EMX1: variants seen among roughly 807,000 people sequenced by gnomAD.
The protein encoded by EMX1 is homeobox protein EMX1.
Under a neutral mutation model 20.1 loss-of-function variants are expected in EMX1, and 10 were observed. The observed-to-expected ratio is 0.50, with a 90% CI of 0.31 to 0.84. The LOEUF is 0.84. Ranked by LOEUF, EMX1 falls within the 40% of genes least tolerant of loss-of-function variation. The pLI is 0.05. For synonymous variants in EMX1, 250 were observed against 200.4 expected, an observed-to-expected ratio of 1.25 and a Z score of -2.09; for missense variants, 424 against 431.9, an observed-to-expected ratio of 0.98 and a Z score of 0.16.
At chr2:72,921,072 G>A (rs535677745) in intron 1 of EMX1, among the ~76,000 whole-genome samples, 193 of 152,324 alleles carry the variant, frequency 1.3e-3, no homozygotes, top group African/African-American at 4.6e-3. Flanking sequence ...CCTGGCCGGC[G>A]GCGGCCTCTC....
intron 2 of EMX1, among the ~76,000 whole-genome samples, chr2:72,927,601 A>G (rs1395637086): frequency 6.6e-6 from 1 of 152,248 alleles, no homozygotes; most frequent in African/African-American, 2.4e-5. Flanking sequence ...AGATCTTAAA[A>G]TACAGATTCC....
chr2:72,924,082 C>T (rs1315572688), intron 1 of EMX1: 4 of 612,734 alleles, frequency 6.5e-6, no homozygotes, highest in Middle Eastern at 2.7e-4. Flanking sequence ...CGCGTTCCCC[C>T]GCGGAGTGGC....
At chr2:72,927,092 C>T (rs1353230178) in intron 2 of EMX1, among the ~76,000 whole-genome samples, 2 of 152,208 alleles carry the variant, frequency 1.3e-5, no homozygotes, top group African/African-American at 4.8e-5. Flanking sequence ...CTTCTGTCTG[C>T]TCTCATTAAA....
intron 1 of EMX1, among the ~76,000 whole-genome samples, chr2:72,919,659 G>T (rs1479723005): frequency 6.6e-6 from 1 of 152,164 alleles, no homozygotes; most frequent in African/African-American, 2.4e-5. Context: ...GTCCCACCTG[G>T]CCAATAGATG....
At chr2:72,923,541 G>A (rs1671138254) in intron 1 of EMX1, 1 of 152,358 alleles carries the variant, frequency 6.6e-6, no homozygotes, top group African/African-American at 2.4e-5. Context: ...AAGGCCTGGG[G>A]GAGAGAGAGG....
upstream of EMX1, chr2:72,916,683 G>T: frequency 1.4e-6 from 1 of 716,754 alleles, no homozygotes. Context: ...GTTCTCTTGA[G>T]ATGGGCTCGG....
At chr2:72,925,306 A>G in intron 2 of EMX1, 1 of 1,048,228 alleles carries the variant, frequency 9.5e-7, no homozygotes, top group Non-Finnish European at 1.2e-6. Context: ...TTTGTAACTG[A>G]TCGTTAATTT....
upstream of EMX1, chr2:72,916,613 G>C: frequency 1.5e-6 from 1 of 671,550 alleles, no homozygotes; most frequent in Non-Finnish European, 2.7e-6. Flanking sequence ...CCGCGGTCGC[G>C]GGTGGAAGGT....
intron 1 of EMX1, among the ~76,000 whole-genome samples, chr2:72,922,228 T>C (rs567572124): frequency 6.6e-6 from 1 of 152,344 alleles, no homozygotes; most frequent in East Asian, 1.9e-4. Flanking sequence ...TTCATAACAA[T>C]GTTGTTTTTT....
chr2:72,922,762 C>T (rs961703335), intron 1 of EMX1, among the ~76,000 whole-genome samples: 1 of 152,248 alleles, frequency 6.6e-6, no homozygotes, highest in Non-Finnish European at 1.5e-5. Flanking sequence ...GTTTTAGCTA[C>T]AGCATCTCAA....
Position 72,917,786 on chromosome 2 carries a change from T to C in EMX1, c.-67T>C. 1 of 1,243,778 alleles carries C rather than the reference T, an allele frequency of 8.0e-7. No homozygotes were observed. The highest frequency in any genetic ancestry group is 1.0e-6 in the Non-Finnish European group (1 of 993,400). The allele number at this position is 1,243,778 out of a possible 1,614,324, so 77.0% of individuals were successfully genotyped here. ...CACACACCCCTCGCCGCTCCGCGCC[T>C]GGCTCGCCCGCGGGGGCCGAGCGCG... is the stretch of plus-strand genomic sequence containing the variant. On this transcript the variant is annotated 5_prime_UTR_variant, in exon 1 of 3. Coordinates refer to ENST00000258106, the MANE Select transcript of EMX1 (RefSeq NM_004097.3).
chr2:72,921,165 C>G (rs1368200058), intron 1 of EMX1, among the ~76,000 whole-genome samples: 2 of 152,244 alleles, frequency 1.3e-5, no homozygotes, highest in Non-Finnish European at 2.9e-5. Context: ...TCCCTCATTC[C>G]TGGGAATCTC....
At chr2:72,918,767 A>G (rs1323479752) in intron 1 of EMX1, among the ~76,000 whole-genome samples, 1 of 152,168 alleles carries the variant, frequency 6.6e-6, no homozygotes, top group Non-Finnish European at 1.5e-5. Flanking sequence ...CTTCTCTCGC[A>G]AGTCCACCAC....
At chr2:72,924,527 C>G in intron 2 of EMX1, 34 bp downstream of exon 2, 3 of 1,523,666 alleles carry the variant, frequency 2.0e-6, no homozygotes, top group Non-Finnish European at 2.6e-6. Context: ...GCCCTGCGCC[C>G]GGAGCCCGGG....
intron 2 of EMX1, among the ~76,000 whole-genome samples, chr2:72,926,634 C>T (rs1368157440): frequency 6.6e-6 from 1 of 152,170 alleles, no homozygotes; most frequent in African/African-American, 2.4e-5. Flanking sequence ...AGTCACTTAA[C>T]CTCTCTGAGC....
At chr2:72,927,554 C>T (rs1469028292) in intron 2 of EMX1, among the ~76,000 whole-genome samples, 1 of 152,242 alleles carries the variant, frequency 6.6e-6, no homozygotes, top group African/African-American at 2.4e-5. Context: ...CATGTCCAAA[C>T]ATCAATCTGT....
Position 72,925,293 on chromosome 2 carries a change from G to A in EMX1, c.705+800G>A, listed in dbSNP as rs565601324. The A allele has an allele frequency of 9.9e-4, 988 of 997,734 alleles. 7 individuals carry two copies. The highest frequency in any genetic ancestry group is 7.0e-3 in the South Asian group (375 of 53,836). 61.8% of individuals were successfully genotyped at this position (997,734 alleles called of 1,614,324 possible). A position where few individuals can be genotyped will look rare whatever the true frequency, so the allele number is the denominator to read the frequency against. On this transcript the variant is annotated intron_variant, in intron 2 of 2. Transcript: ENST00000258106. ...GTGAAATTAACAATTACCGTGTAGT[G>A]TTTTTGTAACTGATCGTTAATTTAA...
Position 72,930,600 on chromosome 2 carries a change from G to T in EMX1, c.706-3187G>T, listed in dbSNP as rs1245354300. Among the ~76,000 whole-genome samples the T allele has an allele frequency of 6.6e-6, 1 of 152,152 alleles. No homozygotes were observed. Among genetic ancestry groups the T allele is most frequent in the Non-Finnish European group, 1.5e-5 (1 of 68,038 alleles). On this transcript the variant is annotated intron_variant, in intron 2 of 2. Coordinates refer to ENST00000258106, the MANE Select transcript of EMX1 (RefSeq NM_004097.3). This position sits in a 1 kb window ranked among gnomAD's most constrained non-coding sequence, Gnocchi z 4.4. The stretch of plus-strand genomic sequence containing the variant: ...CTCGGGGCTTAGAGAGAGGTGAGTA[G>T]TGTGTTTGTGTTGGGGATGGGGAGG...
intron 1 of EMX1, among the ~76,000 whole-genome samples, chr2:72,920,814 G>A (rs1322099305): frequency 6.6e-6 from 1 of 152,220 alleles, no homozygotes; most frequent in Non-Finnish European, 1.5e-5. Context: ...AGGAGCCGAC[G>A]AAGACCAGGA....
Sources: gnomAD v4.1 joint callset for allele counts (sites outside exome capture counted in the v4.1 genomes callset) on GRCh38, gnomAD v4.1.1 for gene constraint, Gnocchi (gnomAD v3.1) non-coding constraint, MANE v1.5 for transcripts, NCBI Gene and HGNC (gene_info 2026-07-23, HGNC 2026-07-21) for gene names.